The following CHID1 variants were observed in gnomAD, a reference collection of about 807,000 sequenced individuals.
CHID1 encodes the protein chitinase domain containing 1, also known as chitinase domain-containing protein 1.
CHID1 carries 44 observed loss-of-function variants against 55.4 expected under a neutral mutation model. That is an observed-to-expected ratio of 0.79 (90% CI 0.62 to 1.02). The LOEUF (loss-of-function observed/expected upper bound fraction) is 1.02. Ranked by LOEUF, CHID1 falls within the 50% of genes least tolerant of loss-of-function variation. CHID1 has a pLI of 0.00. For missense variants in CHID1, 491 were observed against 515.3 expected (o/e 0.95, Z 0.46); for synonymous variants, 216 against 212.9 (o/e 1.01, Z -0.13).
intron 7 of CHID1, among the ~76,000 whole-genome samples, chr11:896,701 A>G: frequency 8.1e-6 from 1 of 123,588 alleles, no homozygotes; most frequent in Non-Finnish European, 1.7e-5. Context: ...AGGCTGTCTC[A>G]GCACCCCCAG....
intron 1 of CHID1, among the ~76,000 whole-genome samples, chr11:906,784 G>A (rs770520786): frequency 3.3e-5 from 5 of 151,170 alleles, no homozygotes; most frequent in African/African-American, 9.7e-5. Flanking sequence ...ATCACACCAC[G>A]TCGGGAGGCC....
intron 10 of CHID1, among the ~76,000 whole-genome samples, chr11:871,719 T>G (rs1195432311): frequency 6.6e-6 from 1 of 152,192 alleles, no homozygotes; most frequent in Non-Finnish European, 1.5e-5. Context: ...AGTAGGCAAC[T>G]GCAGGGGCGC....
chr11:881,914 G>A (rs1056257440), intron 10 of CHID1, among the ~76,000 whole-genome samples: 7 of 151,690 alleles, frequency 4.6e-5, no homozygotes, highest in Admixed American at 3.9e-4. Context: ...TGAGGTGGGA[G>A]GATGGCTTCA....
intron 1 of CHID1, chr11:908,749 C>T (rs1852417301): frequency 1.1e-5 from 3 of 262,980 alleles, no homozygotes; most frequent in Non-Finnish European, 1.8e-5. Flanking sequence ...AGTGACCAAC[C>T]ACTATAGGGC....
At chr11:881,923 C>T (rs74752072) in intron 10 of CHID1, among the ~76,000 whole-genome samples, 1 of 149,770 alleles carries the variant, frequency 6.7e-6, no homozygotes, top group East Asian at 2.0e-4. Flanking sequence ...AGGATGGCTT[C>T]AGCCCAGGAG....
rs1565197937 is a variant in CHID1 at position 901,080 on chromosome 11, TG to T, written c.395-101del. 6.2e-6 allele frequency: 7 copies of T among 1,124,156 alleles called. No homozygotes were observed. The East Asian group carries it at 1.7e-4, about 27-fold the overall frequency. The allele number at this position is 1,124,156 out of a possible 1,614,324, so 69.6% of individuals were successfully genotyped here. On this transcript the variant is annotated intron_variant, in intron 4 of 12. Coordinates refer to ENST00000323578, the MANE Select transcript of CHID1 (RefSeq NM_023947.4). Reference sequence around the variant, plus strand: ...AACGTGGCAGCCGCACAATACGCAATGGGAAGGGCAGGGGCGGGCAGGCAGG... The same window carrying T: ...AACGTGGCAGCCGCACAATACGCAATGGAAGGGCAGGGGCGGGCAGGCAGG...
intron 4 of CHID1, among the ~76,000 whole-genome samples, chr11:901,363 TTC>T (rs1466686669): frequency 6.6e-6 from 1 of 152,160 alleles, no homozygotes; most frequent in Non-Finnish European, 1.5e-5. Context: ...CTGGCTGACA[TTC>T]CATCACCTCC....
chr11:907,836 G>A (rs1450648462), intron 1 of CHID1, among the ~76,000 whole-genome samples: 1 of 152,196 alleles, frequency 6.6e-6, no homozygotes, highest in Admixed American at 6.5e-5. Flanking sequence ...AGGTGCACCT[G>A]TCAGAAGATG....
chr11:880,196 G>A (rs538652314), intron 10 of CHID1, among the ~76,000 whole-genome samples: 46 of 152,344 alleles, frequency 3.0e-4, no homozygotes, highest in Non-Finnish European at 4.9e-4. Context: ...GGAGCCCCGC[G>A]TGTCTCAGTG....
At chr11:881,063 G>A (rs1186611086) in intron 10 of CHID1, among the ~76,000 whole-genome samples, 1 of 152,174 alleles carries the variant, frequency 6.6e-6, no homozygotes, top group Non-Finnish European at 1.5e-5. Context: ...TGGGCACTCA[G>A]CAGTTCTTAC....
At chr11:883,047 C>A in intron 10 of CHID1, 101 bp downstream of exon 10, 2 of 1,308,652 alleles carry the variant, frequency 1.5e-6, no homozygotes, top group Middle Eastern at 2.0e-4. Flanking sequence ...GGGCAGAAGC[C>A]CCAGGGGACC....
chr11:899,375 C>A lies in CHID1; in HGVS notation c.573G>T (p.Val191=). Residue 191 remains valine, a synonymous_variant, in exon 7 of 13, where the codon GTG becomes GTT. Transcript: ENST00000323578. ...GGCTTAGCAGCTGGTTCCAGACCTCCACCACGAAGCCATCGAAATGCTGGT... is the reference window on the plus strand; with the variant it reads ...GGCTTAGCAGCTGGTTCCAGACCTCAACCACGAAGCCATCGAAATGCTGGT... The part of the protein sequence containing the change: ...AKNQHFDGFV[V]EVWNQLLSQK... The A allele has an allele frequency of 6.2e-7, 1 of 1,605,000 alleles. No individual in the cohort carries two copies. The highest frequency in any genetic ancestry group is 1.1e-5 in the South Asian group (1 of 89,050).
chr11:901,170 C>T (rs1396507637), intron 4 of CHID1, among the ~76,000 whole-genome samples, 190 bp from the exon 5 acceptor site: 1 of 151,754 alleles, frequency 6.6e-6, no homozygotes, highest in Non-Finnish European at 1.5e-5. Context: ...GACCCCAACT[C>T]TCCACCCTTC....
intron 8 of CHID1, among the ~76,000 whole-genome samples, chr11:884,814 A>C (rs1850272217): frequency 6.6e-6 from 1 of 152,194 alleles, no homozygotes; most frequent in Non-Finnish European, 1.5e-5. Context: ...CCGCGGAGGA[A>C]GCGGCCCTGT....
chr11:883,315 G>C lies in CHID1; in HGVS notation c.804-12C>G. On this transcript the variant is annotated splice_polypyrimidine_tract_variant and intron_variant, in intron 9 of 12. Coordinates refer to ENST00000323578, the MANE Select transcript of CHID1 (RefSeq NM_023947.4). The stretch of plus-strand genomic sequence containing the variant: ...CATTAGGGCCAGGCCTGCAGGGCAA[G>C]GGGTGAGCGAGTTTCAGCAACAGGG... 1 of 1,600,508 alleles carries C rather than the reference G, an allele frequency of 6.2e-7. No individual in the cohort carries two copies. The highest frequency in any genetic ancestry group is 8.5e-7 in the Non-Finnish European group (1 of 1,169,692).
At chr11:910,974 G>A (rs1306548481), upstream of CHID1, 5 of 232,062 alleles carry the variant, frequency 2.2e-5, no homozygotes, top group Non-Finnish European at 7.0e-6. Flanking sequence ...GGGCGGGGCC[G>A]CGCCGGGGGC....
At position 893,438 on chromosome 11, in the gene CHID1, G is replaced by A. The variant is rs1171894313; in HGVS notation, c.690C>T (p.Ala230=). The A allele has an allele frequency of 1.9e-6, 3 of 1,550,840 alleles. No homozygotes were observed. Among genetic ancestry groups the A allele is most frequent in the Admixed American group, 3.9e-5 (2 of 50,978 alleles). The change falls in exon 8 of 13, where the codon GCC becomes GCT. Residue 230 remains alanine, a synonymous_variant. Transcript: ENST00000323578. Reference sequence around the variant, plus strand: ...AGAGCGGCACTTACCCGGGGGTGATGGCAGGCGGGATGACCAGGAGGGCCA... The same window carrying A: ...AGAGCGGCACTTACCCGGGGGTGATAGCAGGCGGGATGACCAGGAGGGCCA... The part of the protein sequence containing the change: ...RLLALLVIPP[A]ITPGTDQLGM...
At chr11:895,625 A>C (rs1377068492) in intron 7 of CHID1, among the ~76,000 whole-genome samples, 1 of 152,148 alleles carries the variant, frequency 6.6e-6, no homozygotes, top group Non-Finnish European at 1.5e-5. Context: ...AGAGGCAGCA[A>C]CATCCCTTCT....
chr11:889,810 T>C (rs1439227621), intron 8 of CHID1, among the ~76,000 whole-genome samples: 1 of 152,186 alleles, frequency 6.6e-6, no homozygotes, highest in African/African-American at 2.4e-5. Flanking sequence ...CTGGCATCAC[T>C]GTCCCTGCAA....
Sources: allele counts gnomAD v4.1 joint callset (sites outside exome capture counted in the v4.1 genomes callset), GRCh38; gene constraint gnomAD v4.1.1; transcripts MANE v1.5; gene names NCBI Gene and HGNC (gene_info 2026-07-23, HGNC 2026-07-21).